The following RABGAP1L variants were observed in gnomAD, a reference collection of about 807,000 sequenced individuals.
RABGAP1L encodes the protein RAB GTPase activating protein 1 like, also known as rab GTPase-activating protein 1-like.
In RABGAP1L, 63 loss-of-function variants were observed where a neutral mutation model predicts 137.7. That is an observed-to-expected ratio of 0.46 (90% CI 0.37 to 0.56). The LOEUF is 0.56. Among genes scored for constraint, RABGAP1L ranks in the 20% least tolerant of loss-of-function variants. The pLI is 0.00. For missense variants in RABGAP1L, 1,095 were observed against 1,244.0 expected, an observed-to-expected ratio of 0.88 and a Z score of 1.80; for synonymous variants, 431 against 433.7, an observed-to-expected ratio of 0.99 and a Z score of 0.08.
chr1:174,859,263 T>C (rs1649831308), intron 19 of RABGAP1L, among the ~76,000 whole-genome samples: 1 of 152,020 alleles, frequency 6.6e-6, no homozygotes, highest in African/African-American at 2.4e-5. Flanking sequence ...GGGTGGATCA[T>C]GAGGTCAGGA....
At chr1:174,523,189 C>T (rs970538540) in intron 13 of RABGAP1L, among the ~76,000 whole-genome samples, 15 of 152,104 alleles carry the variant, frequency 9.9e-5, no homozygotes, top group Non-Finnish European at 1.6e-4. Flanking sequence ...TGGGAGTTCC[C>T]CAGGGATATA....
intron 13 of RABGAP1L, among the ~76,000 whole-genome samples, chr1:174,599,783 T>G (rs1423551340): frequency 6.6e-6 from 1 of 152,216 alleles, no homozygotes; most frequent in Non-Finnish European, 1.5e-5. Flanking sequence ...GGGAGTTTGA[T>G]TATTGAATGC....
At chr1:174,314,302 T>C (rs1456811283) in intron 11 of RABGAP1L, among the ~76,000 whole-genome samples, 1 of 152,198 alleles carries the variant, frequency 6.6e-6, no homozygotes, top group Non-Finnish European at 1.5e-5. Flanking sequence ...GGCATACAGT[T>C]GCGCATAGTA....
chr1:174,739,336 A>C (rs1258886824), intron 17 of RABGAP1L, among the ~76,000 whole-genome samples: 1 of 152,244 alleles, frequency 6.6e-6, no homozygotes, highest in Non-Finnish European at 1.5e-5. Context: ...AAAATATACT[A>C]GAAGCTTATT....
Position 174,275,896 on chromosome 1 carries a change from G to A in RABGAP1L, c.1117G>A (p.Ala373Thr), listed in dbSNP as rs750383620. The change falls in exon 9 of 26, where the codon GCA becomes ACA. Residue 373 changes from alanine (A) to threonine (T), a missense_variant. This residue lies in a region of RABGAP1L where 112 missense variants were observed against 157.3 expected (regional missense o/e 0.71). Coordinates refer to ENST00000681986, the MANE Select transcript of RABGAP1L (RefSeq NM_001366446.1). ...YVITGMWNPN[A>T]PVFLALNEET... ...CATCACTGGCATGTGGAACCCCAAT[G>A]CACCAGTATTTCTGGCACTTAACGA... 1.3e-5 allele frequency: 21 copies of A among 1,612,834 alleles called. No individual in the cohort carries two copies. Among genetic ancestry groups the A allele is most frequent in the Non-Finnish European group, 1.1e-5 (13 of 1,179,350 alleles).
chr1:174,870,859 TC>T (rs1652072831), intron 19 of RABGAP1L, among the ~76,000 whole-genome samples: 1 of 151,682 alleles, frequency 6.6e-6, no homozygotes, highest in Non-Finnish European at 1.5e-5. Flanking sequence ...TGCCTCAGCC[TC>T]CTGAGTAGCT....
At chr1:174,767,556 C>T (rs1685773131) in intron 18 of RABGAP1L, among the ~76,000 whole-genome samples, 1 of 151,368 alleles carries the variant, frequency 6.6e-6, no homozygotes, top group African/African-American at 2.4e-5. Context: ...CGGAGTCTCA[C>T]CCTGTCACCC....
chr1:174,580,911 C>T (rs1296483346), intron 13 of RABGAP1L, among the ~76,000 whole-genome samples: 1 of 152,086 alleles, frequency 6.6e-6, no homozygotes, highest in South Asian at 2.1e-4. Flanking sequence ...TACAAATGGC[C>T]AGCTAGCACA....
chr1:174,766,774 C>T (rs1319599508), intron 18 of RABGAP1L, among the ~76,000 whole-genome samples: 1 of 152,128 alleles, frequency 6.6e-6, no homozygotes, highest in Non-Finnish European at 1.5e-5. Flanking sequence ...TCAGAGGTAA[C>T]CTGAAAAAAC....
intron 19 of RABGAP1L, among the ~76,000 whole-genome samples, chr1:174,874,141 A>G (rs1295369749): frequency 3.3e-5 from 5 of 152,218 alleles, no homozygotes; most frequent in African/African-American, 1.2e-4. Flanking sequence ...TATTTTATTC[A>G]TAAACATTTT....
intron 20 of RABGAP1L, among the ~76,000 whole-genome samples, 200 bp from the exon 21 acceptor site, chr1:174,969,077 C>T (rs765308044): frequency 2.6e-5 from 4 of 152,152 alleles, no homozygotes; most frequent in Non-Finnish European, 4.4e-5. Flanking sequence ...CCAGTTTCAC[C>T]GGGTAGAGAA....
intron 19 of RABGAP1L, among the ~76,000 whole-genome samples, chr1:174,898,803 A>G (rs1403366270): frequency 6.6e-6 from 1 of 152,200 alleles, no homozygotes; most frequent in African/African-American, 2.4e-5. Flanking sequence ...AAAATGGAAT[A>G]TTTATTATTT....
rs1674826958 is a variant in RABGAP1L at position 174,274,651 on chromosome 1, A to G, written c.1054-1182A>G. Reference sequence around the variant, plus strand: ...GTGTGTGTGTGTGTAGAGGAGAGAAAGAGACCATTATCATATGAGTGTGTT... The same window carrying G: ...GTGTGTGTGTGTGTAGAGGAGAGAAGGAGACCATTATCATATGAGTGTGTT... On this transcript the variant is annotated intron_variant, in intron 8 of 25. Coordinates refer to ENST00000681986, the MANE Select transcript of RABGAP1L (RefSeq NM_001366446.1). Among the ~76,000 whole-genome samples, 4 of 137,970 alleles carry G rather than the reference A, an allele frequency of 2.9e-5. No individual in the cohort carries two copies. The South Asian group carries it at 6.4e-4, about 22-fold the overall frequency. The allele number at this position is 137,970 out of a possible 152,430, so 90.5% of individuals were successfully genotyped here.
At chr1:174,797,323 T>C (rs567455892) in intron 18 of RABGAP1L, among the ~76,000 whole-genome samples, 1 of 152,290 alleles carries the variant, frequency 6.6e-6, no homozygotes, top group East Asian at 1.9e-4. Context: ...CAATTCAGGA[T>C]GTTCCCTTGT....
chr1:174,654,596 A>G (rs1484226823), intron 14 of RABGAP1L, among the ~76,000 whole-genome samples: 1 of 152,164 alleles, frequency 6.6e-6, no homozygotes, highest in Admixed American at 6.5e-5. Flanking sequence ...ATATTCAGTT[A>G]GTAGTTTACT....
intron 17 of RABGAP1L, among the ~76,000 whole-genome samples, chr1:174,743,215 A>T (rs1191968838): frequency 1.3e-5 from 2 of 152,204 alleles, no homozygotes; most frequent in Non-Finnish European, 2.9e-5. Flanking sequence ...AATATGTAAG[A>T]AACAGGAACT....
rs534040653 is a variant in RABGAP1L at position 174,577,060 on chromosome 1, A to G, written c.1711-60315A>G. ...TAGCTGGGCATTGTGGCATGCACCT[A>G]TAGTCCTAGCTACTTTAGAAGTCTG... On this transcript the variant is annotated intron_variant, in intron 13 of 25. Transcript: ENST00000681986. 4.6e-5 allele frequency among the ~76,000 whole-genome samples: 7 copies of G among 152,206 alleles called. 1 individual carries two copies. The highest frequency in any genetic ancestry group is 2.0e-4 in the Admixed American group (3 of 15,270).
intron 19 of RABGAP1L, among the ~76,000 whole-genome samples, chr1:174,939,209 G>A (rs1219537489): frequency 6.6e-6 from 1 of 152,050 alleles, no homozygotes; most frequent in Non-Finnish European, 1.5e-5. Flanking sequence ...TAAAAATCTA[G>A]CAAGCTTGGT....
intron 13 of RABGAP1L, among the ~76,000 whole-genome samples, chr1:174,417,809 A>T (rs1054691077): frequency 6.6e-6 from 1 of 152,176 alleles, no homozygotes; most frequent in Non-Finnish European, 1.5e-5. Flanking sequence ...GTTAACATAG[A>T]AGTCTAAAAG....
Sources: allele counts gnomAD v4.1 joint callset (sites outside exome capture counted in the v4.1 genomes callset), GRCh38; gene constraint gnomAD v4.1.1; regional missense constraint gnomAD v4.1.1; transcripts MANE v1.5; gene names NCBI Gene and HGNC (gene_info 2026-07-23, HGNC 2026-07-21).